GRM7: variants seen among roughly 807,000 people sequenced by gnomAD.
The protein encoded by GRM7 is metabotropic glutamate receptor 7.
GRM7 carries 35 observed loss-of-function variants against 84.5 expected under a neutral mutation model. That is an observed-to-expected ratio of 0.41 (90% CI 0.32 to 0.55). The LOEUF (loss-of-function observed/expected upper bound fraction) is 0.55. Ranked by LOEUF, GRM7 falls within the 20% of genes least tolerant of loss-of-function variation. The pLI is 0.19. For synonymous variants in GRM7, 487 were observed against 455.1 expected (o/e 1.07, Z -0.89); for missense variants, 1,003 against 1,194.6 (o/e 0.84, Z 2.36).
At chr3:7,552,854 C>G (rs778712623) in intron 7 of GRM7, among the ~76,000 whole-genome samples, 2 of 152,220 alleles carry the variant, frequency 1.3e-5, no homozygotes, top group African/African-American at 4.8e-5. Flanking sequence ...GAAACATTTT[C>G]CACATTGTCT....
chr3:7,676,884 T>G (rs1263393464), intron 8 of GRM7, among the ~76,000 whole-genome samples: 3 of 152,150 alleles, frequency 2.0e-5, no homozygotes, highest in Non-Finnish European at 4.4e-5. Flanking sequence ...GTCAGTACAT[T>G]ATGATGGTTG....
chr3:7,398,039 C>T (rs577618942), intron 4 of GRM7, among the ~76,000 whole-genome samples: 162 of 152,014 alleles, frequency 1.1e-3, no homozygotes, highest in African/African-American at 3.5e-3. Context: ...TAGTAAAAGA[C>T]GAAAAGAAAG....
intron 9 of GRM7, among the ~76,000 whole-genome samples, chr3:7,685,808 A>AAAAG (rs1700562751): frequency 1.3e-5 from 2 of 151,940 alleles, no homozygotes; most frequent in South Asian, 4.1e-4. Context: ...AAAAGAAAGA[A>AAAAG]AAAGAATTCA....
At chr3:6,991,096 G>A (rs1050432941) in intron 1 of GRM7, among the ~76,000 whole-genome samples, 19 of 151,720 alleles carry the variant, frequency 1.3e-4, no homozygotes, top group African/African-American at 4.3e-4. Flanking sequence ...ATACATACAT[G>A]CACACACACA....
At chr3:7,247,593 CTT>C (rs139175818) in intron 2 of GRM7, among the ~76,000 whole-genome samples, 3,785 of 126,016 alleles carry the variant, frequency 0.03, 193 homozygotes, top group African/African-American at 0.11. Flanking sequence ...GACACTCTCT[CTT>C]TTTTTTTAAA....
intron 5 of GRM7, among the ~76,000 whole-genome samples, chr3:7,439,458 T>C (rs959316698): frequency 6.6e-6 from 1 of 152,144 alleles, no homozygotes; most frequent in Admixed American, 6.5e-5. Flanking sequence ...CTACTACTGT[T>C]TCTGTGAAAG....
chr3:6,966,107 C>A (rs764896242), intron 1 of GRM7, among the ~76,000 whole-genome samples: 2 of 152,216 alleles, frequency 1.3e-5, no homozygotes, highest in Non-Finnish European at 2.9e-5. Flanking sequence ...GGCTCTCTCC[C>A]AGCCCAGGTC....
intron 4 of GRM7, among the ~76,000 whole-genome samples, chr3:7,381,095 C>T (rs1175606589): frequency 2.0e-5 from 3 of 152,112 alleles, no homozygotes; most frequent in Non-Finnish European, 4.4e-5. Context: ...GGGCTCAAAG[C>T]CAGTACTACC....
At chr3:7,366,265 G>A (rs1693889567) in intron 4 of GRM7, among the ~76,000 whole-genome samples, 3 of 151,862 alleles carry the variant, frequency 2.0e-5, no homozygotes. Flanking sequence ...AGAATTACAA[G>A]CCTGTCTTTA....
intron 4 of GRM7, among the ~76,000 whole-genome samples, chr3:7,350,490 T>G (rs533298325): frequency 2.8e-4 from 43 of 152,112 alleles, no homozygotes; most frequent in Admixed American, 2.6e-4. Flanking sequence ...CCTTCCTCCA[T>G]GATTGCAAGT....
Position 7,417,181 on chromosome 3 carries a change from C to T in GRM7, c.1174+2018C>T, listed in dbSNP as rs908837878. On this transcript the variant is annotated intron_variant, in intron 5 of 9. Coordinates refer to ENST00000357716, the MANE Select transcript of GRM7 (RefSeq NM_000844.4). The stretch of plus-strand genomic sequence containing the variant: ...GTCTTCCTAACTAATATGTTTCTTC[C>T]ATGTGAATATTTATAATCACATTCA... 2.6e-5 allele frequency among the ~76,000 whole-genome samples: 4 copies of T among 152,104 alleles called. No individual in the cohort carries two copies. In the East Asian group the frequency reaches 7.7e-4, roughly 29 times the overall value.
At chr3:7,376,534 T>C (rs529368449) in intron 4 of GRM7, among the ~76,000 whole-genome samples, 3 of 152,126 alleles carry the variant, frequency 2.0e-5, no homozygotes, top group Non-Finnish European at 4.4e-5. Context: ...TTCAACAATC[T>C]GTGGGTTGAG....
chr3:7,313,436 T>G (rs950606009), intron 4 of GRM7, among the ~76,000 whole-genome samples: 3 of 152,174 alleles, frequency 2.0e-5, no homozygotes, highest in African/African-American at 7.2e-5. Context: ...GTTAGAAAAA[T>G]TACTGTTATC....
At chr3:7,689,286 G>T (rs1234514406) in intron 9 of GRM7, among the ~76,000 whole-genome samples, 8 of 152,114 alleles carry the variant, frequency 5.3e-5, no homozygotes, top group Non-Finnish European at 1.2e-4. Flanking sequence ...GGGATTATTT[G>T]GCAATTTTAA....
intron 1 of GRM7, among the ~76,000 whole-genome samples, chr3:7,042,175 G>A (rs1400686199): frequency 6.6e-6 from 1 of 152,102 alleles, no homozygotes; most frequent in Non-Finnish European, 1.5e-5. Context: ...TCCAATCCAA[G>A]GAGTTGTAGG....
chr3:7,172,769 C>T (rs947150364), intron 2 of GRM7, among the ~76,000 whole-genome samples: 4 of 151,948 alleles, frequency 2.6e-5, no homozygotes, highest in African/African-American at 9.7e-5. Context: ...TGAAACTGAA[C>T]TTTTTAAAAA....
intron 8 of GRM7, among the ~76,000 whole-genome samples, chr3:7,614,205 C>T (rs991945071): frequency 5.9e-5 from 9 of 152,126 alleles, no homozygotes; most frequent in African/African-American, 2.2e-4. Context: ...GCAGAGGTTG[C>T]AGTGAGCTGA....
At chr3:7,448,488 T>C (rs901677237) in intron 5 of GRM7, among the ~76,000 whole-genome samples, 19 of 152,294 alleles carry the variant, frequency 1.2e-4, no homozygotes, top group African/African-American at 3.1e-4. Flanking sequence ...ATTGGTGGCC[T>C]CCAATATCTG....
At chr3:7,103,783 TTTC>T (rs1559443465) in intron 1 of GRM7, among the ~76,000 whole-genome samples, 2 of 111,246 alleles carry the variant, frequency 1.8e-5, no homozygotes, top group Non-Finnish European at 3.4e-5. Flanking sequence ...TCTTTCTTTC[TTTC>T]TTTCTTTCTT....
Sources: gnomAD v4.1 joint callset for allele counts (sites outside exome capture counted in the v4.1 genomes callset) on GRCh38, gnomAD v4.1.1 for gene constraint, MANE v1.5 for transcripts, NCBI Gene and HGNC (gene_info 2026-07-23, HGNC 2026-07-21) for gene names.